MIGA1: variants seen among roughly 807,000 people sequenced by gnomAD.
MIGA1 encodes mitoguardin 1, also known as family with sequence similarity 73, member A.
In MIGA1, 58 loss-of-function variants were observed where a neutral mutation model predicts 82.0. That is an observed-to-expected ratio of 0.71 (90% confidence interval 0.57 to 0.88). MIGA1 has a LOEUF of 0.88. Ranked by LOEUF, MIGA1 falls within the 40% of genes least tolerant of loss-of-function variation. MIGA1 has a pLI of 0.00. For synonymous variants in MIGA1, 249 were observed against 253.6 expected (o/e 0.98, Z 0.17); for missense variants, 751 against 749.1 (o/e 1.00, Z -0.03).
At chr1:77,804,390 G>A (rs1159584848) in intron 4 of MIGA1, among the ~76,000 whole-genome samples, 1 of 152,144 alleles carries the variant, frequency 6.6e-6, no homozygotes, top group Non-Finnish European at 1.5e-5. Flanking sequence ...GGTAGAATAT[G>A]TACCTGCTAT....
At chr1:77,847,009 C>T in intron 8 of MIGA1, 1 of 623,348 alleles carries the variant, frequency 1.6e-6, no homozygotes, top group East Asian at 2.7e-5. Context: ...CCTTGGAAAG[C>T]TTTTGCTATA....
Position 77,843,360 on chromosome 1 carries a change from G to C in MIGA1, c.949G>C (p.Asp317His), listed in dbSNP as rs1190699559. Residue 317 changes from aspartate to histidine, a missense_variant, in exon 8 of 16, where the codon GAC (aspartate) becomes CAC (histidine). By Grantham distance (81) the Asp-to-His change is moderately conservative. Transcript: ENST00000370791. ...TAATGTGGAAGACTTTGGCCTGCGA[G>C]ACACCTTGAGCATCGCATCCACGGA... 1 of 1,614,086 alleles carries C rather than the reference G, an allele frequency of 6.2e-7. No homozygotes were observed.
At chr1:77,830,510 A>G (rs1230410633) in intron 7 of MIGA1, among the ~76,000 whole-genome samples, 1 of 152,162 alleles carries the variant, frequency 6.6e-6, no homozygotes, top group East Asian at 1.9e-4. Context: ...TAGACCACAT[A>G]TTATCTGGGA....
chr1:77,847,580 T>C, intron 8 of MIGA1: 1 of 1,522,396 alleles, frequency 6.6e-7, no homozygotes, highest in East Asian at 2.3e-5. Context: ...CATCTGCATA[T>C]AAGAAAAAAC....
chr1:77,864,147 G>A, intron 13 of MIGA1, 119 bp downstream of exon 13: 1 of 1,014,722 alleles, frequency 9.9e-7, no homozygotes, highest in East Asian at 3.0e-5. Flanking sequence ...GATCACCTGA[G>A]GTCAGGAGTT....
At chr1:77,846,176 C>T (rs1684833561) in intron 8 of MIGA1, among the ~76,000 whole-genome samples, 1 of 152,160 alleles carries the variant, frequency 6.6e-6, no homozygotes, top group Admixed American at 6.6e-5. Flanking sequence ...CCAATACCTT[C>T]TGACTCTATG....
At chr1:77,843,466 C>CAAGACTG in intron 8 of MIGA1, 59 bp downstream of exon 8, 1 of 1,278,132 alleles carries the variant, frequency 7.8e-7, no homozygotes, top group Non-Finnish European at 1.1e-6. Context: ...AAACAACAGT[C>CAAGACTG]TTGTCATTAT....
rs942592263 is a variant in MIGA1 at position 77,879,306 on chromosome 1, T to G, written c.*4242T>G. The G allele has an allele frequency of 4.6e-5, 7 of 152,320 alleles. No homozygotes were observed. The highest frequency in any genetic ancestry group is 9.6e-5 in the African/African-American group (4 of 41,586). The allele number at this position is 152,320 out of a possible 1,614,324, so 9.4% of individuals were successfully genotyped here. A position where few individuals can be genotyped will look rare whatever the true frequency, so the allele number is the denominator to read the frequency against. The stretch of plus-strand genomic sequence containing the variant: ...TGGAAATAAGAACATCCCTACTTTG[T>G]TCCTAATGAGTATATTATGTTATTG... On this transcript the variant is annotated 3_prime_UTR_variant, in exon 16 of 16. Transcript: ENST00000370791.
At chr1:77,814,790 A>G (rs1413044821) in intron 6 of MIGA1, among the ~76,000 whole-genome samples, 1 of 152,224 alleles carries the variant, frequency 6.6e-6, no homozygotes, top group Non-Finnish European at 1.5e-5. Flanking sequence ...GTGGATCCTA[A>G]GAATTTGCAT....
rs191851848 is a variant in MIGA1 at position 77,783,950 on chromosome 1, A to G, written c.195+599A>G. ...TGACTAGCTCACTTTACTTAGCATA[A>G]TGTCCTCAAGGTTCATCCATGTTGT... On this transcript the variant is annotated intron_variant, in intron 2 of 15. Transcript: ENST00000370791. Among the ~76,000 whole-genome samples the G allele has an allele frequency of 3.9e-3, 597 of 152,292 alleles. 1 individual carries two copies. Among genetic ancestry groups the G allele is most frequent in the Non-Finnish European group, 6.7e-3 (458 of 68,026 alleles).
intron 12 of MIGA1, among the ~76,000 whole-genome samples, chr1:77,862,370 C>G (rs1268363240): frequency 6.6e-6 from 1 of 151,284 alleles, no homozygotes; most frequent in African/African-American, 2.4e-5. Flanking sequence ...TTGCTTGAAC[C>G]TGGGAGGTGG....
intron 2 of MIGA1, among the ~76,000 whole-genome samples, chr1:77,790,509 G>C (rs193122407): frequency 0.012 from 1,880 of 151,836 alleles, 21 homozygotes; most frequent in Non-Finnish European, 0.017. Flanking sequence ...CTCGTGATCT[G>C]CCCGCCTCGG....
intron 7 of MIGA1, among the ~76,000 whole-genome samples, chr1:77,824,050 G>A (rs375331073): frequency 6.6e-6 from 1 of 152,088 alleles, no homozygotes; most frequent in South Asian, 2.1e-4. Context: ...CATCCAAGAA[G>A]CCATTAAATA....
intron 9 of MIGA1, 22 bp downstream of exon 9, chr1:77,859,078 T>C: frequency 1.4e-6 from 2 of 1,413,060 alleles, no homozygotes; most frequent in Non-Finnish European, 2.0e-6. Context: ...GTTTTGTTTA[T>C]GTTTATGAAG....
intron 7 of MIGA1, among the ~76,000 whole-genome samples, chr1:77,842,840 C>A (rs540905239): frequency 6.6e-6 from 1 of 152,308 alleles, no homozygotes; most frequent in East Asian, 1.9e-4. Context: ...CTGCACCCGG[C>A]CGTGAATTGT....
chr1:77,804,101 G>T (rs192160077), intron 4 of MIGA1, among the ~76,000 whole-genome samples: 151 of 152,158 alleles, frequency 9.9e-4, no homozygotes, highest in Admixed American at 9.9e-3. Flanking sequence ...TAATTTAAAA[G>T]AATTAGCTGT....
At chr1:77,862,892 GA>G (rs1303489946) in intron 12 of MIGA1, among the ~76,000 whole-genome samples, 2 of 149,696 alleles carry the variant, frequency 1.3e-5, no homozygotes, top group Non-Finnish European at 3.0e-5. Flanking sequence ...AGTAAGCCGA[GA>G]TCGTGCCAGT....
Position 77,865,026 on chromosome 1 carries a change from T to G in MIGA1, c.1509+998T>G, listed in dbSNP as rs530183460. Reference sequence around the variant, plus strand: ...TTTAAATAAATTCATTTTGCCTCAATTAAGTATGTTTTAATAATAAAAGGT... The same window carrying G: ...TTTAAATAAATTCATTTTGCCTCAAGTAAGTATGTTTTAATAATAAAAGGT... On this transcript the variant is annotated intron_variant, in intron 13 of 15. Coordinates refer to ENST00000370791, the MANE Select transcript of MIGA1 (RefSeq NM_198549.4). Among the ~76,000 whole-genome samples the G allele has an allele frequency of 1.6e-4, 24 of 152,348 alleles. No homozygotes were observed. In the South Asian group the frequency reaches 4.8e-3, roughly 30 times the overall value.
chr1:77,826,628 A>T (rs924783618), intron 7 of MIGA1, among the ~76,000 whole-genome samples: 6 of 152,096 alleles, frequency 3.9e-5, no homozygotes, highest in Non-Finnish European at 7.4e-5. Flanking sequence ...GGCGTGAACT[A>T]CCATGACTAG....
Sources: allele counts gnomAD v4.1 joint callset (sites outside exome capture counted in the v4.1 genomes callset), GRCh38; gene constraint gnomAD v4.1.1; transcripts MANE v1.5; gene names NCBI Gene and HGNC (gene_info 2026-07-23, HGNC 2026-07-21).